Variants in COMMD10 observed in about 807,000 individuals in gnomAD.
COMMD10 encodes the protein COMM domain containing 10.
A neutral mutation model predicts 28.9 loss-of-function variants in COMMD10; 33 were observed. The observed-to-expected ratio is 1.14, with a 90% CI of 0.87 to 1.53. The LOEUF (loss-of-function observed/expected upper bound fraction) is 1.53. COMMD10 is among the 40% of genes most tolerant of loss of function. The pLI, the probability that COMMD10 is intolerant of heterozygous loss-of-function variation, is 0.00. For missense variants in COMMD10, 310 were observed against 233.4 expected, an observed-to-expected ratio of 1.33 and a Z score of -2.14; for synonymous variants, 110 against 81.7, an observed-to-expected ratio of 1.35 and a Z score of -1.87.
chr5:116,223,005 A>G (rs1749304004), intron 5 of COMMD10, among the ~76,000 whole-genome samples: 3 of 152,276 alleles, frequency 2.0e-5, no homozygotes, highest in African/African-American at 4.8e-5. Flanking sequence ...TTTTAATACT[A>G]TGGTTATTTT....
In COMMD10 at chr5:116,092,645, C is replaced by A; in HGVS notation, c.344C>A (p.Ser115Tyr). Residue 115 changes from serine (S) to tyrosine (Y), a missense_variant, in exon 4 of 7, where the codon TCT (serine) becomes TAT (tyrosine). By Grantham distance (144) the Ser-to-Tyr change is moderately radical (BLOSUM62 -2). Coordinates refer to ENST00000274458, the MANE Select transcript of COMMD10 (RefSeq NM_016144.4). Reference protein sequence around the residue: ...KAEAFVNTWSSMGQETVEKFR... With the variant: ...KAEAFVNTWSYMGQETVEKFR... ...GAAGCATTTGTCAATACGTGGTCTTCTATGGGTCAAGAAACAGTTGAAAAG... is the reference window on the plus strand; with the variant it reads ...GAAGCATTTGTCAATACGTGGTCTTATATGGGTCAAGAAACAGTTGAAAAG... 6.2e-7 allele frequency: 1 copy of A among 1,611,662 alleles called. No homozygotes were observed. Among genetic ancestry groups the A allele is most frequent in the Non-Finnish European group, 8.5e-7 (1 of 1,178,782 alleles).
intron 5 of COMMD10, among the ~76,000 whole-genome samples, chr5:116,171,543 G>A (rs964037739): frequency 6.6e-6 from 1 of 152,060 alleles, no homozygotes; most frequent in African/African-American, 2.4e-5. Flanking sequence ...GTTTATTGCA[G>A]CACAATTTAC....
intron 4 of COMMD10, among the ~76,000 whole-genome samples, chr5:116,102,976 G>A (rs1482490613): frequency 5.3e-5 from 8 of 152,120 alleles, no homozygotes; most frequent in African/African-American, 1.9e-4. Context: ...CTTCATCCAT[G>A]TCCCTGCAAA....
chr5:116,196,019 A>T (rs1295164006), intron 5 of COMMD10, among the ~76,000 whole-genome samples: 1 of 152,204 alleles, frequency 6.6e-6, no homozygotes, highest in Non-Finnish European at 1.5e-5. Context: ...TATGGAAGAC[A>T]GTGTGGAGAT....
At chr5:116,178,166 C>A (rs1747803512) in intron 5 of COMMD10, among the ~76,000 whole-genome samples, 1 of 152,022 alleles carries the variant, frequency 6.6e-6, no homozygotes, top group Non-Finnish European at 1.5e-5. Context: ...TGAAAATGAG[C>A]CAACTGCTTA....
chr5:116,147,008 C>G (rs372876259), intron 5 of COMMD10, among the ~76,000 whole-genome samples: 2 of 151,802 alleles, frequency 1.3e-5, no homozygotes, highest in Non-Finnish European at 2.9e-5. Context: ...ATCAGATCCT[C>G]GAGTCTTATA....
At chr5:116,134,394 A>C (rs1326358201) in intron 5 of COMMD10, among the ~76,000 whole-genome samples, 2 of 136,646 alleles carry the variant, frequency 1.5e-5, no homozygotes, top group Non-Finnish European at 3.4e-5. Context: ...TCTGCAGTGA[A>C]AAAAAATTGT....
At chr5:116,184,661 C>G (rs1001477785) in intron 5 of COMMD10, among the ~76,000 whole-genome samples, 4 of 152,098 alleles carry the variant, frequency 2.6e-5, no homozygotes, top group African/African-American at 4.8e-5. Context: ...AAAACAGATT[C>G]AGCAGAGATC....
chr5:116,172,792 C>T (rs966504291), intron 5 of COMMD10, among the ~76,000 whole-genome samples: 2 of 152,140 alleles, frequency 1.3e-5, no homozygotes, highest in African/African-American at 4.8e-5. Context: ...AACCTTTCCT[C>T]ATCTGAGATA....
chr5:116,267,819 G>C (rs1476861965), intron 5 of COMMD10, among the ~76,000 whole-genome samples: 1 of 151,820 alleles, frequency 6.6e-6, no homozygotes, highest in Non-Finnish European at 1.5e-5. Flanking sequence ...TCTGATCTTT[G>C]ACAAACCTGA....
chr5:116,175,471 C>T (rs935614021), intron 5 of COMMD10, among the ~76,000 whole-genome samples: 1 of 152,078 alleles, frequency 6.6e-6, no homozygotes, highest in Non-Finnish European at 1.5e-5. Flanking sequence ...AACAATATGG[C>T]AGTTCATAAA....
chr5:116,289,934 T>G (rs1751321339), intron 5 of COMMD10, among the ~76,000 whole-genome samples: 1 of 151,904 alleles, frequency 6.6e-6, no homozygotes, highest in South Asian at 2.1e-4. Flanking sequence ...TATTGTTCTT[T>G]TAAGAAGTAT....
chr5:116,280,994 A>G (rs1478672343), intron 5 of COMMD10, among the ~76,000 whole-genome samples: 4 of 151,904 alleles, frequency 2.6e-5, no homozygotes, highest in African/African-American at 7.3e-5. Context: ...TTCAACTTGG[A>G]CAAGAGTTTA....
At chr5:116,088,575 G>A (rs1006349399) in intron 2 of COMMD10, among the ~76,000 whole-genome samples, 1 of 152,198 alleles carries the variant, frequency 6.6e-6, no homozygotes, top group Non-Finnish European at 1.5e-5. Flanking sequence ...TAGTATGGCT[G>A]CAGTCTACAT....
chr5:116,235,620 T>A (rs1749641653), intron 5 of COMMD10, among the ~76,000 whole-genome samples: 1 of 152,184 alleles, frequency 6.6e-6, no homozygotes, highest in Non-Finnish European at 1.5e-5. Flanking sequence ...ATAGTTTGGG[T>A]ATATAGAATT....
chr5:116,261,843 A>G (rs1278197918), intron 5 of COMMD10, among the ~76,000 whole-genome samples: 2 of 151,684 alleles, frequency 1.3e-5, no homozygotes, highest in African/African-American at 4.9e-5. Context: ...CTTTGGTTCC[A>G]CTGGCCAGCC....
chr5:116,258,543 ATATT>A (rs1314635067), intron 5 of COMMD10, among the ~76,000 whole-genome samples: 2 of 151,610 alleles, frequency 1.3e-5, no homozygotes, highest in South Asian at 2.1e-4. Flanking sequence ...CTGAAAATGT[ATATT>A]TATTCTCACT....
At chr5:116,134,266 A>G in intron 5 of COMMD10, 88 bp downstream of exon 5, 3 of 716,864 alleles carry the variant, frequency 4.2e-6, no homozygotes, top group Admixed American at 4.7e-5. Flanking sequence ...CTCTGGATTT[A>G]GAATTTAAAC....
chr5:116,127,520 G>C lies in COMMD10; in HGVS notation c.400-6548G>C, dbSNP rs553482770. Among the ~76,000 whole-genome samples the C allele has an allele frequency of 3.3e-5, 5 of 152,200 alleles. No individual in the cohort carries two copies. The South Asian group carries it at 6.2e-4, about 19-fold the overall frequency. ...TATTCTCAATAGCAAAGACTTGGAA[G>C]CAACCCAAATTTCCGTCAATGATAG... On this transcript the variant is annotated intron_variant, in intron 4 of 6. Coordinates refer to ENST00000274458, the MANE Select transcript of COMMD10 (RefSeq NM_016144.4).
Sources: allele counts gnomAD v4.1 joint callset (sites outside exome capture counted in the v4.1 genomes callset), GRCh38; gene constraint gnomAD v4.1.1; transcripts MANE v1.5; gene names NCBI Gene and HGNC (gene_info 2026-07-23, HGNC 2026-07-21).